Variants in AHR observed in about 807,000 individuals in gnomAD.
AHR encodes AH-receptor.
A neutral mutation model predicts 86.8 loss-of-function variants in AHR; 40 were observed. The ratio of observed to expected loss-of-function variants is 0.46; its 90% CI spans 0.36 to 0.60. The LOEUF (loss-of-function observed/expected upper bound fraction) is 0.60, where lower values mean the gene tolerates loss of function less well. Ranked by LOEUF, AHR falls within the 20% of genes least tolerant of loss-of-function variation. The pLI is 0.00. For missense variants in AHR, 1,001 were observed against 1,011.6 expected (o/e 0.99, Z 0.14); for synonymous variants, 398 against 354.9 (o/e 1.12, Z -1.37).
intron 6 of AHR, among the ~76,000 whole-genome samples, chr7:17,331,303 A>G (rs1197176372): frequency 6.6e-6 from 1 of 152,008 alleles, no homozygotes; most frequent in African/African-American, 2.4e-5. Context: ...ACATTAAGTT[A>G]TAGAAAAAAC....
Position 17,330,094 on chromosome 7 carries a change from A to G in AHR, c.574+19A>G. 6.2e-7 allele frequency: 1 copy of G among 1,605,382 alleles called. No individual in the cohort carries two copies. On this transcript the variant is annotated intron_variant, in intron 5 of 10. Coordinates refer to ENST00000242057, the MANE Select transcript of AHR (RefSeq NM_001621.5). ...ATTGAAGGTAAGAATTGATGGTACA[A>G]AAAATAGTGTTGGTAGTTTTTAAAT...
chr7:17,306,706 C>G (rs577329470), intron 1 of AHR, among the ~76,000 whole-genome samples: 1 of 152,116 alleles, frequency 6.6e-6, no homozygotes, highest in East Asian at 1.9e-4. Context: ...AATCGCAGAA[C>G]CATTTGCAAC....
chr7:17,320,012 C>T (rs778529038), intron 2 of AHR, among the ~76,000 whole-genome samples: 34 of 152,054 alleles, frequency 2.2e-4, no homozygotes, highest in Non-Finnish European at 3.4e-4. Context: ...GTAGAAACCT[C>T]CAGTGATCAT....
intron 4 of AHR, among the ~76,000 whole-genome samples, chr7:17,329,306 C>A (rs1782261113): frequency 6.6e-6 from 1 of 151,776 alleles, no homozygotes; most frequent in African/African-American, 2.4e-5. Flanking sequence ...TGAAACTTTT[C>A]CATGTGTTTA....
intron 10 of AHR, among the ~76,000 whole-genome samples, chr7:17,340,990 TTAACA>T (rs1782417889): frequency 6.6e-6 from 1 of 152,148 alleles, no homozygotes; most frequent in African/African-American, 2.4e-5. Flanking sequence ...AAAAAAAAAG[TTAACA>T]TAATGTCAGT....
chr7:17,329,506 G>C (rs1170665584), intron 4 of AHR, among the ~76,000 whole-genome samples: 4 of 151,834 alleles, frequency 2.6e-5, no homozygotes, highest in Non-Finnish European at 5.9e-5. Flanking sequence ...TACTTGGAGT[G>C]AAAATTTTAT....
At chr7:17,341,965 C>A (rs1475788869) in intron 10 of AHR, among the ~76,000 whole-genome samples, 1 of 151,998 alleles carries the variant, frequency 6.6e-6, no homozygotes, top group Non-Finnish European at 1.5e-5. Context: ...CCAGGTAATA[C>A]TAACTTTTTA....
intron 2 of AHR, among the ~76,000 whole-genome samples, chr7:17,320,626 G>A (rs1250644605): frequency 6.6e-6 from 1 of 152,036 alleles, no homozygotes; most frequent in Non-Finnish European, 1.5e-5. Flanking sequence ...ACAGAATATA[G>A]TTGACTCTGA....
At chr7:17,338,891 A>G (rs1782384618) in intron 9 of AHR, 95 bp from the exon 10 acceptor site, 1 of 1,177,496 alleles carries the variant, frequency 8.5e-7, no homozygotes, top group Non-Finnish European at 1.2e-6. Flanking sequence ...TTCAATTACA[A>G]TGTATTTTGC....
intron 2 of AHR, among the ~76,000 whole-genome samples, chr7:17,317,706 C>A (rs761356382): frequency 1.3e-5 from 2 of 152,088 alleles, no homozygotes; most frequent in African/African-American, 4.8e-5. Context: ...ATCAGAAATT[C>A]TAGAGGTGTG....
chr7:17,325,156 A>G (rs1045747343), intron 3 of AHR, among the ~76,000 whole-genome samples: 13 of 152,314 alleles, frequency 8.5e-5, no homozygotes, highest in Admixed American at 2.0e-4. Context: ...CTGTTAATTT[A>G]TTGAGAGAAA....
intron 2 of AHR, among the ~76,000 whole-genome samples, chr7:17,318,110 G>T (rs569254115): frequency 6.6e-6 from 1 of 152,194 alleles, no homozygotes; most frequent in South Asian, 2.1e-4. Flanking sequence ...AGCAGTTAGG[G>T]ACTAAAAGGG....
At chr7:17,330,142 G>A (rs1782271924) in intron 5 of AHR, 67 bp downstream of exon 5, 12 of 1,470,434 alleles carry the variant, frequency 8.2e-6, no homozygotes, top group Middle Eastern at 1.8e-4. Flanking sequence ...AAGGAGGCTG[G>A]GAACCTGTAG....
In AHR at chr7:17,334,985, C is replaced by T; in HGVS notation, c.1007C>T (p.Ser336Phe). 1 of 1,612,414 alleles carries T rather than the reference C, an allele frequency of 6.2e-7. No homozygotes were observed. The highest frequency in any genetic ancestry group is 8.5e-7 in the Non-Finnish European group (1 of 1,178,860). Reference protein sequence around the residue: ...HAADMLYCAESHIRMIKTGES... With the variant: ...HAADMLYCAEFHIRMIKTGES... ...GCTGATATGCTTTATTGTGCCGAGT[C>T]CCATATCCGAAGTAAGTTGTAGTTC... is the stretch of plus-strand genomic sequence containing the variant. Residue 336 changes from serine (S) to phenylalanine (F), a missense_variant, in exon 8 of 11, where the codon TCC (serine) becomes TTC (phenylalanine). By Grantham distance (155) the Ser-to-Phe change is radical (BLOSUM62 -2). Coordinates refer to ENST00000242057, the MANE Select transcript of AHR (RefSeq NM_001621.5).
intron 2 of AHR, among the ~76,000 whole-genome samples, chr7:17,314,661 A>G (rs901020872): frequency 6.6e-6 from 1 of 152,082 alleles, no homozygotes; most frequent in Non-Finnish European, 1.5e-5. Flanking sequence ...GTATACGTAC[A>G]TGTGTATATG....
chr7:17,334,201 G>GTTT, intron 7 of AHR, 87 bp downstream of exon 7: 1 of 1,177,760 alleles, frequency 8.5e-7, no homozygotes, highest in Non-Finnish European at 1.2e-6. Flanking sequence ...TACAGTGTAT[G>GTTT]TAATATTGTT....
chr7:17,319,281 A>G (rs1015582195), intron 2 of AHR, among the ~76,000 whole-genome samples: 2 of 152,066 alleles, frequency 1.3e-5, no homozygotes, highest in Non-Finnish European at 2.9e-5. Context: ...GGTATTGTAC[A>G]TGTTATTTTA....
chr7:17,336,838 T>G (rs1376899907), intron 9 of AHR, among the ~76,000 whole-genome samples: 1 of 152,162 alleles, frequency 6.6e-6, no homozygotes, highest in Non-Finnish European at 1.5e-5. Flanking sequence ...TAGTCTTTAT[T>G]AGGATCCAAC....
At chr7:17,336,301 A>G (rs945339871) in intron 9 of AHR, among the ~76,000 whole-genome samples, 1 of 151,994 alleles carries the variant, frequency 6.6e-6, no homozygotes, top group African/African-American at 2.4e-5. Context: ...ATTTACCGAG[A>G]AGGTCATTGT....
Sources: allele counts gnomAD v4.1 joint callset (sites outside exome capture counted in the v4.1 genomes callset), GRCh38; gene constraint gnomAD v4.1.1; transcripts MANE v1.5; gene names NCBI Gene and HGNC (gene_info 2026-07-23, HGNC 2026-07-21).